IGSF11: variants seen among roughly 807,000 people sequenced by gnomAD.
IGSF11 encodes the protein CXADR like 1.
A neutral mutation model predicts 41.0 loss-of-function variants in IGSF11; 22 were observed. The ratio of observed to expected loss-of-function variants is 0.54; its 90% CI spans 0.38 to 0.77. The LOEUF is 0.77. Ranked by LOEUF, IGSF11 falls within the 30% of genes least tolerant of loss-of-function variation. IGSF11 has a pLI of 0.00. For synonymous variants in IGSF11, 219 were observed against 201.3 expected (o/e 1.09, Z -0.74); for missense variants, 444 against 530.8 (o/e 0.84, Z 1.61).
At chr3:119,083,126 C>CTTTTTTTTTTTTTTTTTTTT (rs79620142) in intron 1 of IGSF11, among the ~76,000 whole-genome samples, 1 of 129,120 alleles carries the variant, frequency 7.7e-6, no homozygotes, top group Admixed American at 8.0e-5. Context: ...TTTCTTTTTT[C>CTTTTTTTTTTTTTTTTTTTT]TTTTTTTTTT....
At chr3:119,046,689 T>A (rs1045492578) in intron 1 of IGSF11, among the ~76,000 whole-genome samples, 1 of 151,938 alleles carries the variant, frequency 6.6e-6, no homozygotes, top group African/African-American at 2.4e-5. Flanking sequence ...AGACACATAA[T>A]TGTCAGATTC....
chr3:118,904,575 T>C, intron 6 of IGSF11, 73 bp downstream of exon 6: 3 of 1,117,740 alleles, frequency 2.7e-6, no homozygotes, highest in South Asian at 1.5e-5. Flanking sequence ...AGTAGATATA[T>C]CTTAACTGAC....
chr3:119,123,609 C>T (rs1258721848), intron 1 of IGSF11, among the ~76,000 whole-genome samples: 1 of 152,120 alleles, frequency 6.6e-6, no homozygotes, highest in Non-Finnish European at 1.5e-5. Context: ...GTGGTGATGG[C>T]CACAGGGCTG....
intron 1 of IGSF11, among the ~76,000 whole-genome samples, chr3:119,079,645 A>T (rs141285714): frequency 6.6e-6 from 1 of 152,226 alleles, no homozygotes; most frequent in Non-Finnish European, 1.5e-5. Flanking sequence ...ATGCCCATCA[A>T]TGGTGGGCTG....
chr3:119,070,412 T>C (rs1406379130), intron 1 of IGSF11, among the ~76,000 whole-genome samples: 1 of 152,180 alleles, frequency 6.6e-6, no homozygotes, highest in Non-Finnish European at 1.5e-5. Flanking sequence ...GAAGAATGTA[T>C]AAAGTGATGG....
At chr3:119,007,904 C>T (rs1161410290) in intron 1 of IGSF11, among the ~76,000 whole-genome samples, 1 of 152,200 alleles carries the variant, frequency 6.6e-6, no homozygotes, top group Non-Finnish European at 1.5e-5. Context: ...ATTGCCTCCT[C>T]CTTCTTCCCT....
At chr3:118,935,784 T>TC (rs1490906207) in intron 1 of IGSF11, among the ~76,000 whole-genome samples, 1 of 152,074 alleles carries the variant, frequency 6.6e-6, no homozygotes, top group Non-Finnish European at 1.5e-5. Flanking sequence ...CTAGAGGGTA[T>TC]CTCACTGGCC....
intron 1 of IGSF11, among the ~76,000 whole-genome samples, chr3:118,980,105 AT>A: frequency 6.6e-6 from 1 of 152,298 alleles, no homozygotes; most frequent in East Asian, 1.9e-4. Context: ...CAATATGGAC[AT>A]TCAAAAAACA....
chr3:118,996,516 CACA>C (rs1416424839), intron 1 of IGSF11, among the ~76,000 whole-genome samples: 2 of 152,218 alleles, frequency 1.3e-5, no homozygotes, highest in East Asian at 1.9e-4. Context: ...CCATTCTACA[CACA>C]ACAATGAGCT....
intron 1 of IGSF11, among the ~76,000 whole-genome samples, chr3:119,053,160 A>G (rs1159970405): frequency 6.6e-6 from 1 of 152,186 alleles, no homozygotes; most frequent in African/African-American, 2.4e-5. Flanking sequence ...ATCAAACAAG[A>G]GAAAGAAGTA....
chr3:119,056,047 T>A (rs1941819854), intron 1 of IGSF11, among the ~76,000 whole-genome samples: 1 of 151,582 alleles, frequency 6.6e-6, no homozygotes, highest in Admixed American at 6.6e-5. Context: ...CACCCTAATA[T>A]CACAATTAAA....
intron 1 of IGSF11, among the ~76,000 whole-genome samples, chr3:119,080,327 C>G (rs1032833978): frequency 1.7e-4 from 26 of 152,260 alleles, no homozygotes; most frequent in African/African-American, 6.3e-4. Context: ...ATTCTGGCAT[C>G]ATACTGGCTT....
At chr3:119,102,491 A>G (rs1452923527) in intron 1 of IGSF11, among the ~76,000 whole-genome samples, 3 of 152,236 alleles carry the variant, frequency 2.0e-5, no homozygotes, top group Non-Finnish European at 4.4e-5. Flanking sequence ...TTTTGTTTGA[A>G]CATAACATAA....
intron 1 of IGSF11, among the ~76,000 whole-genome samples, chr3:119,067,853 G>A (rs35563261): frequency 2.8e-4 from 42 of 152,194 alleles, no homozygotes; most frequent in Admixed American, 5.9e-4. Flanking sequence ...TCCCCCTCTA[G>A]GATTTTAGTA....
At chr3:119,096,628 TC>T (rs1247938556) in intron 1 of IGSF11, among the ~76,000 whole-genome samples, 1 of 152,138 alleles carries the variant, frequency 6.6e-6, no homozygotes, top group Non-Finnish European at 1.5e-5. Flanking sequence ...TGTATTTAAC[TC>T]TCTACCCGAT....
chr3:118,964,001 C>T (rs1945508203), intron 1 of IGSF11, among the ~76,000 whole-genome samples: 1 of 152,112 alleles, frequency 6.6e-6, no homozygotes, highest in South Asian at 2.1e-4. Context: ...CAGAATATGA[C>T]AGCCAGAAAG....
At chr3:119,032,092 G>C (rs1940455558) in intron 1 of IGSF11, among the ~76,000 whole-genome samples, 1 of 152,110 alleles carries the variant, frequency 6.6e-6, no homozygotes, top group South Asian at 2.1e-4. Flanking sequence ...AGAATAAACA[G>C]AAATAGAAAC....
rs561359988 is a variant in IGSF11 at position 119,034,756 on chromosome 3, G to A, written c.-174C>T. 3.3e-5 allele frequency: 43 copies of A among 1,317,852 alleles called. No homozygotes were observed. In the African/African-American group the frequency reaches 5.7e-4, roughly 17 times the overall value. 81.6% of individuals were successfully genotyped at this position (1,317,852 alleles called of 1,614,324 possible). A position where few individuals can be genotyped will look rare whatever the true frequency, so the allele number is the denominator to read the frequency against. ...CAGACCCACAGACGAGCCAAGTGCA[G>A]CTGCAGCGCCGCCCGGCTCCGCGGA... On this transcript the variant is annotated 5_prime_UTR_variant, in exon 1 of 7. Coordinates refer to ENST00000393775, the MANE Select transcript of IGSF11 (RefSeq NM_001015887.3).
chr3:118,917,988 C>G (rs1319315771), intron 4 of IGSF11, among the ~76,000 whole-genome samples: 18 of 138,660 alleles, frequency 1.3e-4, no homozygotes, highest in East Asian at 4.4e-4. Context: ...AGCATATAAA[C>G]AGAGCCAAAG....
Sources: allele counts gnomAD v4.1 joint callset (sites outside exome capture counted in the v4.1 genomes callset), GRCh38; gene constraint gnomAD v4.1.1; transcripts MANE v1.5; gene names NCBI Gene and HGNC (gene_info 2026-07-23, HGNC 2026-07-21).